The following RIF1 variants were observed in gnomAD, a reference collection of about 807,000 sequenced individuals.
RIF1 encodes the protein telomere-associated protein RIF1.
In RIF1, 45 loss-of-function variants were observed where a neutral mutation model predicts 247.1. The ratio of observed to expected loss-of-function variants is 0.18; its 90% CI spans 0.14 to 0.23. The LOEUF (loss-of-function observed/expected upper bound fraction) is 0.23, where lower values mean the gene tolerates loss of function less well. Among genes scored for constraint, RIF1 ranks in the 10% least tolerant of loss-of-function variants. RIF1 has a pLI of 1.00. For missense variants in RIF1, 2,967 were observed against 2,862.5 expected (o/e 1.04, Z -0.83); for synonymous variants, 1,087 against 978.8 (o/e 1.11, Z -2.06).
chr2:151,511,593 G>A (rs909511030), downstream of RIF1, among the ~76,000 whole-genome samples: 2 of 152,150 alleles, frequency 1.3e-5, no homozygotes, highest in African/African-American at 4.8e-5. Flanking sequence ...CGTTAACTAT[G>A]GCTTTGGAAC....
At chr2:151,458,464 C>A (rs1695595017) in intron 24 of RIF1, among the ~76,000 whole-genome samples, 1 of 151,840 alleles carries the variant, frequency 6.6e-6, no homozygotes, top group Non-Finnish European at 1.5e-5. Context: ...AATCTCCTGA[C>A]CTCGTTATCT....
intron 12 of RIF1, among the ~76,000 whole-genome samples, chr2:151,504,115 C>T (rs979081182): frequency 1.3e-5 from 2 of 152,092 alleles, no homozygotes; most frequent in African/African-American, 4.8e-5. Context: ...CTCTCTGAGC[C>T]TCCTTAACTC....
In RIF1 at chr2:151,409,998, G is replaced by C; in HGVS notation, c.-46G>C. On this transcript the variant is annotated 5_prime_UTR_variant, in exon 1 of 36. Transcript: ENST00000444746. ...TCTGGCAGCGTCTGGGTGCTGAGGG[G>C]CAGAGGCGGAGAGAACCCTGTCCTG... 1 of 702,704 alleles carries C rather than the reference G, an allele frequency of 1.4e-6. No individual in the cohort carries two copies. Among genetic ancestry groups the C allele is most frequent in the Non-Finnish European group, 2.6e-6 (1 of 384,826 alleles). 43.5% of individuals were successfully genotyped at this position (702,704 alleles called of 1,614,324 possible).
chr2:151,471,205 C>G (rs1697753022), intron 34 of RIF1, among the ~76,000 whole-genome samples: 1 of 152,038 alleles, frequency 6.6e-6, no homozygotes, highest in Non-Finnish European at 1.5e-5. Context: ...ATAATGTTTT[C>G]AAGGTTTATC....
chr2:151,483,814 G>A (rs184590254), downstream of RIF1, among the ~76,000 whole-genome samples: 89 of 152,158 alleles, frequency 5.8e-4, 1 homozygote, highest in African/African-American at 1.7e-3. Context: ...CTCACTGGCC[G>A]CAGTAAATTC....
intron 6 of RIF1, among the ~76,000 whole-genome samples, chr2:151,418,850 G>C (rs1687659993): frequency 6.6e-6 from 1 of 151,912 alleles, no homozygotes; most frequent in South Asian, 2.1e-4. Flanking sequence ...ACTCCAGCTT[G>C]GGTGACAGAG....
the RIF1 span, among the ~76,000 whole-genome samples, chr2:151,533,905 T>G: frequency 6.6e-6 from 1 of 152,268 alleles, no homozygotes; most frequent in East Asian, 1.9e-4. Context: ...TGTTTGTTTA[T>G]TTTTTGCTTT....
In RIF1 at chr2:151,443,341, C is replaced by CT; in HGVS notation, c.1805+15dup. 1 of 1,528,556 alleles carries CT rather than the reference C, an allele frequency of 6.5e-7. No homozygotes were observed. Among genetic ancestry groups the CT allele is most frequent in the African/African-American group, 1.4e-5 (1 of 72,940 alleles). 94.7% of individuals were successfully genotyped at this position (1,528,556 alleles called of 1,614,324 possible). ...GTATCAGATGAAAGGTAAGTTTGTA[C>CT]TTTAACTTGAAACTTTGTCTTGGAA... On this transcript the variant is annotated intron_variant, in intron 17 of 35. Coordinates refer to ENST00000444746, the MANE Select transcript of RIF1 (RefSeq NM_018151.5).
exon 10 of RIF1, chr2:151,495,306 G>A (rs191960837): frequency 1.3e-5 from 2 of 152,294 alleles, no homozygotes; most frequent in Admixed American, 6.5e-5. Flanking sequence ...GATTCTCAAC[G>A]TGGGGTCCTT....
chr2:151,411,375 G>A (rs764839243), intron 3 of RIF1, 37 bp downstream of exon 3: 3 of 1,341,530 alleles, frequency 2.2e-6, no homozygotes, highest in Admixed American at 2.2e-5. Flanking sequence ...TTCACTTTTG[G>A]TAGTTTGGTT....
rs1374182951 is a variant in RIF1, at chr2:151,465,991, A to G, written c.6471A>G (p.Ser2157=). 3.7e-6 allele frequency: 6 copies of G among 1,613,808 alleles called. No individual in the cohort carries two copies. Among genetic ancestry groups the G allele is most frequent in the Non-Finnish European group, 5.1e-6 (6 of 1,179,760 alleles). ...KLRELDPSLV[S]ANDSPSGMQT... ...GGGAACTTGATCCTTCACTTGTGTC[A>G]GCAAATGACAGTCCTAGTGGCATGC... Residue 2157 remains serine (S), a synonymous_variant, in exon 30 of 36, where the codon TCA becomes TCG. Transcript: ENST00000444746.
chr2:151,485,741 G>C (rs779805343), downstream of RIF1: 2 of 1,594,504 alleles, frequency 1.3e-6, no homozygotes, highest in African/African-American at 1.3e-5. Flanking sequence ...CTGCAGACAA[G>C]TGTGATGCTT....
At chr2:151,532,356 TCATAA>T in the RIF1 span, among the ~76,000 whole-genome samples, 4 of 152,310 alleles carry the variant, frequency 2.6e-5, no homozygotes, top group East Asian at 5.8e-4. Context: ...ATTGTTTTAC[TCATAA>T]CATATTGTAT....
At chr2:151,509,131 T>C (rs1192823909), downstream of RIF1, among the ~76,000 whole-genome samples, 2 of 152,178 alleles carry the variant, frequency 1.3e-5, no homozygotes, top group African/African-American at 4.8e-5. Context: ...CATTTATAAG[T>C]ATTGAAATTT....
chr2:151,442,487 A>G lies in RIF1; in HGVS notation c.1734+496A>G, dbSNP rs117074450. ...ATTAAAGGAAAAACTGATAGTTAATATAAAGAATTAAATATGCTGCTATGT... is the reference window on the plus strand; with the variant it reads ...ATTAAAGGAAAAACTGATAGTTAATGTAAAGAATTAAATATGCTGCTATGT... On this transcript the variant is annotated intron_variant, in intron 16 of 35. Transcript: ENST00000444746. 2.3e-3 allele frequency among the ~76,000 whole-genome samples: 353 copies of G among 151,900 alleles called. 9 individuals are homozygous for G. In the East Asian group the frequency reaches 0.046, roughly 20 times the overall value.
intron 7 of RIF1, among the ~76,000 whole-genome samples, chr2:151,422,082 G>A (rs1010009830): frequency 4.0e-5 from 6 of 151,866 alleles, no homozygotes; most frequent in East Asian, 1.9e-4. Context: ...CGCCCGCCTC[G>A]GCCTCCCAAA....
In RIF1 at chr2:151,491,768, A is replaced by G. The variant is rs1290219667; in HGVS notation, c.*416-3461A>G. 1 of 1,585,630 alleles carries G rather than the reference A, an allele frequency of 6.3e-7. No homozygotes were observed. Among genetic ancestry groups the G allele is most frequent in the Non-Finnish European group, 8.6e-7 (1 of 1,164,812 alleles). ...CCGAACCAGGATTAGTACGCCAGAC[A>G]CGTAAACCTGAAAGGGAAACCAGTG... is the stretch of plus-strand genomic sequence containing the variant. On this transcript the variant is annotated intron_variant and NMD_transcript_variant, in intron 9 of 13. Coordinates refer to the RIF1 transcript ENST00000454583.
intron 11 of RIF1, 102 bp downstream of exon 11, chr2:151,435,682 C>T (rs766221511): frequency 4.7e-6 from 3 of 632,836 alleles, no homozygotes; most frequent in Non-Finnish European, 8.3e-6. Flanking sequence ...AGAGGTTTTG[C>T]TCAGTGTTTT....
intron 10 of RIF1, chr2:151,497,944 G>C (rs1319373335): frequency 1.4e-6 from 2 of 1,444,072 alleles, no homozygotes; most frequent in African/African-American, 2.9e-5. Context: ...AGTTATCCAT[G>C]TTATTTTTTT....
Sources: allele counts gnomAD v4.1 joint callset (sites outside exome capture counted in the v4.1 genomes callset), GRCh38; gene constraint gnomAD v4.1.1; transcripts MANE v1.5; gene names NCBI Gene and HGNC (gene_info 2026-07-23, HGNC 2026-07-21).